The following BABAM2 variants were observed in gnomAD, a reference collection of about 807,000 sequenced individuals.
BABAM2 encodes the protein BRISC and BRCA1 A complex member 2.
A neutral mutation model predicts 54.7 loss-of-function variants in BABAM2; 31 were observed. The observed-to-expected ratio is 0.57, with a 90% CI of 0.43 to 0.77. The LOEUF is 0.77. BABAM2 is among the 30% of genes least tolerant of loss of function. BABAM2 has a pLI of 0.00. For synonymous variants in BABAM2, 167 were observed against 162.9 expected (o/e 1.03, Z -0.19); for missense variants, 364 against 455.8 (o/e 0.80, Z 1.83).
At chr2:28,208,749 G>A (rs184705010) in intron 7 of BABAM2, among the ~76,000 whole-genome samples, 1 of 152,218 alleles carries the variant, frequency 6.6e-6, no homozygotes, top group East Asian at 1.9e-4. Context: ...CTTGCTAACA[G>A]TTGTGGCCTC....
chr2:27,993,225 G>T (rs968380422), intron 4 of BABAM2, among the ~76,000 whole-genome samples: 4 of 152,160 alleles, frequency 2.6e-5, no homozygotes, highest in African/African-American at 7.2e-5. Context: ...GCAGCTTCAG[G>T]AGAGAGTGGA....
chr2:28,014,682 T>TA (rs1254409266), intron 4 of BABAM2, among the ~76,000 whole-genome samples: 1 of 149,826 alleles, frequency 6.7e-6, no homozygotes. Flanking sequence ...TTTTTTTTTT[T>TA]AAATCAAAAC....
chr2:27,912,224 C>T (rs1666652137), intron 2 of BABAM2, among the ~76,000 whole-genome samples: 1 of 151,914 alleles, frequency 6.6e-6, no homozygotes, highest in African/African-American at 2.4e-5. Context: ...TGCTTTTTGA[C>T]CTACATTCGC....
intron 11 of BABAM2, among the ~76,000 whole-genome samples, chr2:28,306,554 T>C (rs1339691405): frequency 6.6e-6 from 1 of 152,146 alleles, no homozygotes; most frequent in East Asian, 1.9e-4. Context: ...CTGTGTATTT[T>C]TTACATGGTA....
chr2:28,118,908 G>A (rs1668827918), intron 6 of BABAM2, among the ~76,000 whole-genome samples: 1 of 151,930 alleles, frequency 6.6e-6, no homozygotes, highest in African/African-American at 2.4e-5. Context: ...TGTATAAGGT[G>A]TAAGGAAGGG....
intron 10 of BABAM2, among the ~76,000 whole-genome samples, chr2:28,263,153 AAAG>A (rs1482080566): frequency 1.3e-5 from 2 of 149,462 alleles, no homozygotes; most frequent in East Asian, 1.9e-4. Flanking sequence ...AAAAAGAAGA[AAAG>A]AAAGGAAGGA....
At chr2:28,067,328 A>G (rs1012186615) in intron 6 of BABAM2, among the ~76,000 whole-genome samples, 6 of 152,222 alleles carry the variant, frequency 3.9e-5, no homozygotes, top group African/African-American at 7.2e-5. Flanking sequence ...TAGCTCTTGA[A>G]TGTTATTAAT....
intron 10 of BABAM2, among the ~76,000 whole-genome samples, chr2:28,257,686 C>T (rs1179937707): frequency 6.6e-6 from 1 of 152,084 alleles, no homozygotes; most frequent in Non-Finnish European, 1.5e-5. Context: ...GAGTTCAAGA[C>T]CAGCCTGAGC....
At chr2:28,151,244 C>T (rs1672004525) in intron 7 of BABAM2, among the ~76,000 whole-genome samples, 1 of 152,130 alleles carries the variant, frequency 6.6e-6, no homozygotes, top group Non-Finnish European at 1.5e-5. Flanking sequence ...TCCAGCCAGA[C>T]CAGCTCCTCT....
intron 6 of BABAM2, among the ~76,000 whole-genome samples, chr2:28,113,963 T>A (rs961994098): frequency 6.6e-6 from 1 of 152,174 alleles, no homozygotes; most frequent in Non-Finnish European, 1.5e-5. Flanking sequence ...ATGATTGGTG[T>A]GTATAGGAAT....
chr2:28,256,693 C>CTTTTT (rs34881415), intron 10 of BABAM2, among the ~76,000 whole-genome samples: 9 of 122,796 alleles, frequency 7.3e-5, no homozygotes, highest in South Asian at 2.6e-4. Flanking sequence ...TGGCTCACTT[C>CTTTTT]TTTTTTTTTT....
At position 28,266,893 on chromosome 2, in the gene BABAM2, C is replaced by A. The variant is rs144487846; in HGVS notation, c.934+22031C>A. On this transcript the variant is annotated intron_variant, in intron 10 of 11. Transcript: ENST00000379624. ...ACAAAAGGCTGGGTGCAGTGGCTCA[C>A]GCCTGTAATCCCAGCATTTTGGGAG... is the stretch of plus-strand genomic sequence containing the variant. 1.4e-4 allele frequency among the ~76,000 whole-genome samples: 22 copies of A among 152,298 alleles called. No individual in the cohort carries two copies. The East Asian group carries it at 3.1e-3, about 21-fold the overall frequency.
At chr2:27,987,487 C>T (rs1672482461) in intron 3 of BABAM2, among the ~76,000 whole-genome samples, 1 of 152,062 alleles carries the variant, frequency 6.6e-6, no homozygotes, top group African/African-American at 2.4e-5. Context: ...GGAGATAAAG[C>T]TTTTTTGATT....
upstream of BABAM2, chr2:27,890,259 GA>G (rs748872380): frequency 6.2e-7 from 1 of 1,613,550 alleles, no homozygotes; most frequent in Non-Finnish European, 8.5e-7. The surrounding 1 kb of genome is among the most constrained non-coding windows in gnomAD (Gnocchi z 4.8). Context: ...GGACTAACCT[GA>G]CCAGGTCGGT....
At chr2:28,046,557 C>A (rs1677593660) in intron 6 of BABAM2, among the ~76,000 whole-genome samples, 1 of 152,146 alleles carries the variant, frequency 6.6e-6, no homozygotes, top group African/African-American at 2.4e-5. Context: ...TAATTGCAAT[C>A]TAGCATAAGA....
chr2:28,263,075 G>C (rs1573958179), intron 10 of BABAM2, among the ~76,000 whole-genome samples: 1 of 133,304 alleles, frequency 7.5e-6, no homozygotes, highest in South Asian at 2.3e-4. Context: ...TTTATCTCTC[G>C]AAAGAAAAAA....
At chr2:28,187,790 G>A (rs1226477164) in intron 7 of BABAM2, among the ~76,000 whole-genome samples, 1 of 149,312 alleles carries the variant, frequency 6.7e-6, no homozygotes, top group African/African-American at 2.5e-5. Flanking sequence ...TGCCTCAGCT[G>A]CCCAAGTAGC....
At chr2:28,054,224 G>A (rs1344794251) in intron 6 of BABAM2, among the ~76,000 whole-genome samples, 1 of 152,016 alleles carries the variant, frequency 6.6e-6, no homozygotes, top group African/African-American at 2.4e-5. Context: ...GTGAGTGTCC[G>A]TGGTTTTTAT....
intron 2 of BABAM2, among the ~76,000 whole-genome samples, chr2:27,897,986 CT>C (rs1384543319): frequency 6.6e-6 from 1 of 152,172 alleles, no homozygotes. Context: ...CTCATTTCTT[CT>C]CAGTTTGTGG....
Sources: gnomAD v4.1 joint callset for allele counts (sites outside exome capture counted in the v4.1 genomes callset) on GRCh38, gnomAD v4.1.1 for gene constraint, Gnocchi (gnomAD v3.1) non-coding constraint, MANE v1.5 for transcripts, NCBI Gene and HGNC (gene_info 2026-07-23, HGNC 2026-07-21) for gene names.